Variants in GABRB2 observed in about 807,000 individuals in gnomAD.
GABRB2 encodes the protein gamma-aminobutyric acid receptor subunit beta-2.
GABRB2 carries 16 observed loss-of-function variants against 54.7 expected under a neutral mutation model. That is an observed-to-expected ratio of 0.29 (90% CI 0.20 to 0.44). The LOEUF (loss-of-function observed/expected upper bound fraction) is 0.44. Among genes scored for constraint, GABRB2 ranks in the 20% least tolerant of loss-of-function variants. The probability of loss-of-function intolerance (pLI) is 1.00; values close to 1 mark genes in which losing one functional copy is unlikely to be tolerated. For synonymous variants in GABRB2, 244 were observed against 233.8 expected (o/e 1.04, Z -0.40); for missense variants, 355 against 644.0 (o/e 0.55, Z 4.86).
At chr5:161,368,620 A>G (rs1189636846) in intron 5 of GABRB2, among the ~76,000 whole-genome samples, 2 of 152,212 alleles carry the variant, frequency 1.3e-5, no homozygotes, top group Non-Finnish European at 2.9e-5. Flanking sequence ...GAGATGTCGC[A>G]TACTCTGCAC....
intron 9 of GABRB2, among the ~76,000 whole-genome samples, chr5:161,297,791 T>C (rs944837278): frequency 6.6e-6 from 1 of 152,226 alleles, no homozygotes; most frequent in African/African-American, 2.4e-5. Context: ...CTTTTGAGTA[T>C]ATACTCGGTA....
At position 161,371,820 on chromosome 5, in the gene GABRB2, C is replaced by G. The variant is rs775713877; in HGVS notation, c.542-35051G>C. ...CACTGCAGCCACGACCTCCCAAGCTCTAGCGATCCTCCCTCCTCAACCTCC... is the reference window on the plus strand; with the variant it reads ...CACTGCAGCCACGACCTCCCAAGCTGTAGCGATCCTCCCTCCTCAACCTCC... On this transcript the variant is annotated intron_variant, in intron 5 of 9. Transcript: ENST00000393959. 2.6e-5 allele frequency among the ~76,000 whole-genome samples: 4 copies of G among 152,116 alleles called. No homozygotes were observed. The South Asian group carries it at 8.3e-4, about 32-fold the overall frequency.
chr5:161,522,917 C>T (rs1487859007), intron 3 of GABRB2, among the ~76,000 whole-genome samples: 1 of 151,176 alleles, frequency 6.6e-6, no homozygotes, highest in Non-Finnish European at 1.5e-5. Context: ...GGTTTTGTGA[C>T]ATCATGTAAA....
intron 7 of GABRB2, among the ~76,000 whole-genome samples, chr5:161,331,598 C>T (rs1438620350): frequency 6.6e-6 from 1 of 151,942 alleles, no homozygotes; most frequent in Non-Finnish European, 1.5e-5. Flanking sequence ...GTGGAGAGAG[C>T]TTTTATATCA....
intron 3 of GABRB2, among the ~76,000 whole-genome samples, chr5:161,503,217 G>A (rs999607833): frequency 6.6e-6 from 1 of 151,798 alleles, no homozygotes; most frequent in Non-Finnish European, 1.5e-5. Flanking sequence ...CAAGGGAAAA[G>A]GATGTGTATA....
intron 4 of GABRB2, among the ~76,000 whole-genome samples, chr5:161,424,021 C>G (rs1374883519): frequency 1.3e-5 from 2 of 152,098 alleles, no homozygotes; most frequent in African/African-American, 4.8e-5. Context: ...CAGAGAAAAG[C>G]TCTAAATCTC....
intron 9 of GABRB2, among the ~76,000 whole-genome samples, chr5:161,300,228 C>A (rs1313560564): frequency 6.6e-6 from 1 of 152,160 alleles, no homozygotes; most frequent in South Asian, 2.1e-4. Context: ...ATTTTAATCT[C>A]TTTTACTGTT....
At chr5:161,391,628 C>G (rs993510595) in intron 5 of GABRB2, among the ~76,000 whole-genome samples, 2 of 152,056 alleles carry the variant, frequency 1.3e-5, no homozygotes, top group Non-Finnish European at 2.9e-5. Flanking sequence ...AGGAATCATG[C>G]CCAGAGAGAA....
At chr5:161,444,327 G>T (rs575156364) in intron 4 of GABRB2, among the ~76,000 whole-genome samples, 1 of 152,116 alleles carries the variant, frequency 6.6e-6, no homozygotes, top group Admixed American at 6.6e-5. Flanking sequence ...TGATTATCAT[G>T]AATAAAAGAG....
At chr5:161,366,444 C>G (rs12054989) in intron 5 of GABRB2, among the ~76,000 whole-genome samples, 1 of 152,016 alleles carries the variant, frequency 6.6e-6, no homozygotes, top group Non-Finnish European at 1.5e-5. Context: ...AAATTTAGAA[C>G]CAATCATTTG....
intron 3 of GABRB2, among the ~76,000 whole-genome samples, chr5:161,472,541 A>AT (rs1244395765): frequency 1.3e-5 from 2 of 151,840 alleles, no homozygotes; most frequent in African/African-American, 4.8e-5. Context: ...GGGGAGATGA[A>AT]TGTCAGTCCC....
At chr5:161,538,980 G>A (rs1403062289) in intron 3 of GABRB2, among the ~76,000 whole-genome samples, 26 of 152,200 alleles carry the variant, frequency 1.7e-4, no homozygotes, top group Admixed American at 1.7e-3. Flanking sequence ...CTGTGCAGCT[G>A]GTGATGCAAG....
intron 4 of GABRB2, among the ~76,000 whole-genome samples, chr5:161,432,192 T>C (rs1258047715): frequency 6.6e-6 from 1 of 152,318 alleles, no homozygotes; most frequent in Non-Finnish European, 1.5e-5. Context: ...TACTTTGTAA[T>C]ATAACAAGCC....
At chr5:161,398,664 T>C (rs1303641663) in intron 5 of GABRB2, among the ~76,000 whole-genome samples, 145 of 140,256 alleles carry the variant, frequency 1.0e-3, no homozygotes, top group African/African-American at 3.6e-3. Flanking sequence ...TTTTGTTTGT[T>C]TGTCTGTTTT....
intron 9 of GABRB2, among the ~76,000 whole-genome samples, chr5:161,316,380 C>G (rs1236028295): frequency 6.6e-6 from 1 of 152,092 alleles, no homozygotes; most frequent in African/African-American, 2.4e-5. Context: ...TTAGAGGTGA[C>G]TTTGTCTAAA....
At chr5:161,437,760 C>A (rs916686386) in intron 4 of GABRB2, among the ~76,000 whole-genome samples, 2 of 152,146 alleles carry the variant, frequency 1.3e-5, no homozygotes, top group African/African-American at 4.8e-5. Flanking sequence ...AATAGTCTGG[C>A]AGTACTCCTC....
chr5:161,503,687 C>G (rs187382287), intron 3 of GABRB2, among the ~76,000 whole-genome samples: 34 of 101,442 alleles, frequency 3.4e-4, no homozygotes, highest in African/African-American at 1.4e-3. Context: ...CCCACCAGGG[C>G]AACAAGAGCG....
chr5:161,330,748 G>C, intron 8 of GABRB2, 135 bp downstream of exon 8: 1 of 1,233,174 alleles, frequency 8.1e-7, no homozygotes, highest in East Asian at 2.3e-5. Context: ...TTAATTGTTT[G>C]TGTGCTTTGG....
At chr5:161,506,049 T>C (rs993089946) in intron 3 of GABRB2, among the ~76,000 whole-genome samples, 2 of 152,058 alleles carry the variant, frequency 1.3e-5, no homozygotes, top group Admixed American at 1.3e-4. Context: ...TATATATATA[T>C]GTATATATAA....
Sources: allele counts gnomAD v4.1 joint callset (sites outside exome capture counted in the v4.1 genomes callset), GRCh38; gene constraint gnomAD v4.1.1; transcripts MANE v1.5; gene names NCBI Gene and HGNC (gene_info 2026-07-23, HGNC 2026-07-21).